The following TENM2 variants were observed in gnomAD, a reference collection of about 807,000 sequenced individuals.
TENM2 encodes the protein teneurin transmembrane protein 2, also known as teneurin-2.
Under a neutral mutation model 245.2 loss-of-function variants are expected in TENM2, and 52 were observed. The observed-to-expected ratio is 0.21, with a 90% CI of 0.17 to 0.27. The LOEUF (loss-of-function observed/expected upper bound fraction) is 0.27, where lower values mean the gene tolerates loss of function less well. Among genes scored for constraint, TENM2 ranks in the 10% least tolerant of loss-of-function variants. The pLI is 1.00. For missense variants in TENM2, 3,046 were observed against 3,666.8 expected (o/e 0.83, Z 4.37); for synonymous variants, 1,363 against 1,438.9 (o/e 0.95, Z 1.19).
At chr5:167,842,650 A>G (rs1375332515) in intron 2 of TENM2, among the ~76,000 whole-genome samples, 1 of 150,448 alleles carries the variant, frequency 6.6e-6, no homozygotes, top group African/African-American at 2.4e-5. Flanking sequence ...CCATTTATAT[A>G]TGGCTCTTCT....
In TENM2 at chr5:167,665,402, A is replaced by G. The variant is rs1755504853; in HGVS notation, c.503-210584A>G. Among the ~76,000 whole-genome samples, 3 of 152,258 alleles carry G rather than the reference A, an allele frequency of 2.0e-5. No individual in the cohort carries two copies. In the South Asian group the frequency reaches 6.2e-4, roughly 32 times the overall value. On this transcript the variant is annotated intron_variant, in intron 2 of 28. Transcript: ENST00000518659. ...TGCGATCCCATTTCATATGTTTTAA[A>G]ACATCTGGAGGCTGAGGGCAGAAGA...
intron 1 of TENM2, among the ~76,000 whole-genome samples, chr5:167,356,639 G>A (rs1759351569): frequency 6.6e-6 from 1 of 152,218 alleles, no homozygotes; most frequent in Non-Finnish European, 1.5e-5. Flanking sequence ...ATGCAGGGGA[G>A]TACACTGTTT....
chr5:167,697,551 A>G (rs55814675), intron 2 of TENM2, among the ~76,000 whole-genome samples: 11,597 of 151,920 alleles, frequency 0.076, 534 homozygotes, highest in African/African-American at 0.13. Flanking sequence ...TTTTTTTGAG[A>G]TATAGTTTAG....
In TENM2 at chr5:167,621,127, A is replaced by G. The variant is rs114364721; in HGVS notation, c.502+245654A>G. ...TTTAATAAGTGATGATGTGGGCCAG[A>G]TATTATACTCGGAGCAAAGTCTACA... is the stretch of plus-strand genomic sequence containing the variant. On this transcript the variant is annotated intron_variant, in intron 2 of 28. Transcript: ENST00000518659. Among the ~76,000 whole-genome samples the G allele has an allele frequency of 8.0e-3, 1,211 of 152,262 alleles. 18 individuals are homozygous for G. The highest frequency in any genetic ancestry group is 0.028 in the African/African-American group (1,145 of 41,554).
chr5:168,125,150 G>A (rs1306533365), intron 11 of TENM2, 100 bp downstream of exon 13: 3 of 990,846 alleles, frequency 3.0e-6, no homozygotes, highest in Admixed American at 2.3e-5. Context: ...ACTTAGCTGG[G>A]GATAAGGGGA....
chr5:167,723,685 T>A (rs1263741965), intron 2 of TENM2, among the ~76,000 whole-genome samples: 1 of 152,206 alleles, frequency 6.6e-6, no homozygotes, highest in African/African-American at 2.4e-5. Context: ...CTGCTGCTGC[T>A]GTTCCCTGTC....
chr5:167,602,563 T>C (rs898768299), intron 2 of TENM2, among the ~76,000 whole-genome samples: 7 of 152,202 alleles, frequency 4.6e-5, no homozygotes, highest in African/African-American at 1.7e-4. Context: ...GTAGATATTG[T>C]TGAGACTATT....
intron 20 of TENM2, chr5:168,214,735 ACTAT>A (rs1717611246): frequency 4.1e-6 from 2 of 489,882 alleles, no homozygotes; most frequent in Non-Finnish European, 8.0e-6. Context: ...GTCTTGAATA[ACTAT>A]CCTGCTTACA....
intron 13 of TENM2, among the ~76,000 whole-genome samples, chr5:168,171,781 T>C (rs1758855388): frequency 6.6e-6 from 1 of 152,218 alleles, no homozygotes; most frequent in Non-Finnish European, 1.5e-5. Flanking sequence ...ATTTTAATCA[T>C]GTAAATCACT....
At chr5:167,160,451 C>G in the TENM2 span, among the ~76,000 whole-genome samples, 47 of 152,352 alleles carry the variant, frequency 3.1e-4, no homozygotes, top group South Asian at 9.7e-3. Context: ...GAAGATATAC[C>G]TTGGTAGTCT....
At chr5:168,124,911 C>T in exon 11 of TENM2, 1 of 1,613,178 alleles carries the variant, frequency 6.2e-7, no homozygotes, top group Non-Finnish European at 8.5e-7. Flanking sequence ...AATGCCTGTG[C>T]AGCCCTGGCT....
chr5:167,380,147 C>G (rs542223356), intron 2 of TENM2, among the ~76,000 whole-genome samples: 2 of 152,180 alleles, frequency 1.3e-5, no homozygotes, highest in East Asian at 3.9e-4. Flanking sequence ...AAAGAATGAT[C>G]TCCTTTACAT....
intron 25 of TENM2, among the ~76,000 whole-genome samples, chr5:168,235,030 G>A (rs1421248771): frequency 6.6e-6 from 1 of 152,132 alleles, no homozygotes; most frequent in Non-Finnish European, 1.5e-5. Flanking sequence ...GGAGGGAGGT[G>A]GGGGGATGGG....
intron 2 of TENM2, among the ~76,000 whole-genome samples, chr5:167,382,577 A>G (rs1350358324): frequency 6.6e-6 from 1 of 152,174 alleles, no homozygotes; most frequent in East Asian, 1.9e-4. Context: ...AAATATGAGC[A>G]TGTTTCCTAA....
intron 14 of TENM2, among the ~76,000 whole-genome samples, chr5:168,192,050 A>C (rs1581590030): frequency 6.6e-6 from 1 of 152,342 alleles, no homozygotes; most frequent in African/African-American, 2.4e-5. Context: ...GCCCTCTTCT[A>C]TTTCAGCCCT....
chr5:167,100,278 A>G, the TENM2 span, among the ~76,000 whole-genome samples: 1 of 152,126 alleles, frequency 6.6e-6, no homozygotes, highest in Non-Finnish European at 1.5e-5. Flanking sequence ...GAAGGCACAG[A>G]TGGAGATGGT....
chr5:167,612,521 A>T (rs971136059), intron 2 of TENM2, among the ~76,000 whole-genome samples: 22 of 152,262 alleles, frequency 1.4e-4, no homozygotes, highest in African/African-American at 4.3e-4. Flanking sequence ...TTGGTGGCAT[A>T]TGATATATTC....
intron 12 of TENM2, among the ~76,000 whole-genome samples, chr5:168,142,732 A>G (rs114200341): frequency 0.018 from 2,703 of 152,272 alleles, 68 homozygotes; most frequent in African/African-American, 0.06. Flanking sequence ...AATCCTGACA[A>G]TACTTCCCAA....
chr5:167,898,409 A>G (rs1775418665), intron 3 of TENM2, among the ~76,000 whole-genome samples: 1 of 152,138 alleles, frequency 6.6e-6, no homozygotes, highest in African/African-American at 2.4e-5. Context: ...TTGCTTAGCT[A>G]TCCCTTTAAG....
Sources: allele counts gnomAD v4.1 joint callset (sites outside exome capture counted in the v4.1 genomes callset), GRCh38; gene constraint gnomAD v4.1.1; transcripts MANE v1.5; gene names NCBI Gene and HGNC (gene_info 2026-07-23, HGNC 2026-07-21).